RBM42: variants seen among roughly 807,000 people sequenced by gnomAD.
RBM42 encodes RNA binding motif protein 42.
RBM42 carries 21 observed loss-of-function variants against 41.4 expected under a neutral mutation model. The observed-to-expected ratio is 0.51, with a 90% CI of 0.36 to 0.73. The LOEUF (loss-of-function observed/expected upper bound fraction) is 0.73. Ranked by LOEUF, RBM42 falls within the 30% of genes least tolerant of loss-of-function variation. RBM42 has a pLI of 0.00. For missense variants in RBM42, 539 were observed against 680.4 expected, an observed-to-expected ratio of 0.79 and a Z score of 2.31; for synonymous variants, 272 against 271.2, an observed-to-expected ratio of 1.00 and a Z score of -0.03.
At position 35,633,141 on chromosome 19, in the gene RBM42, C is replaced by T. The variant is rs149753042; in HGVS notation, c.573C>T (p.Ala191=). 32 of 1,571,578 alleles carry T rather than the reference C, an allele frequency of 2.0e-5. No homozygotes were observed. Among genetic ancestry groups the T allele is most frequent in the Non-Finnish European group, 2.7e-5 (31 of 1,141,390 alleles). ...RPMALRPPHQ[A]LVGPPLPGPP... ...TGGCCCTACGGCCCCCTCACCAGGC[C>T]CTCGTGGGCCCCCCTCTGCCTGGGC... Residue 191 remains alanine, a synonymous_variant, in exon 6 of 10, where the codon GCC becomes GCT. Transcript: ENST00000262633.
rs1301541654 is a variant in RBM42, at chr19:35,629,502, T to G, written c.129-18T>G. 4.9e-5 allele frequency: 79 copies of G among 1,613,794 alleles called. No individual in the cohort carries two copies. Among genetic ancestry groups the G allele is most frequent in the Non-Finnish European group, 6.6e-5 (78 of 1,179,826 alleles). On this transcript the variant is annotated intron_variant, in intron 1 of 9. Coordinates refer to ENST00000262633, the MANE Select transcript of RBM42 (RefSeq NM_024321.5). ...TGGTACGAGGTCCTGAGCGCTGATG[T>G]CTGTTCTACTCCTCCAGGTTTGAGC...
rs199759784 is a variant in RBM42, at chr19:35,629,552, C to T, written c.161C>T (p.Pro54Leu). 1 of 1,614,210 alleles carries T rather than the reference C, an allele frequency of 6.2e-7. No individual in the cohort carries two copies. Among genetic ancestry groups the T allele is most frequent in the African/African-American group, 1.3e-5 (1 of 75,058 alleles). ...FEQEVLGAPVPGIPTAVPAVP... is the reference protein window; with the variant it reads ...FEQEVLGAPVLGIPTAVPAVP... ...CAGGAAGTTCTGGGGGCTCCAGTAC[C>T]TGGAATCCCAACTGCTGTGCCTGCG... is the stretch of plus-strand genomic sequence containing the variant. The change falls in exon 2 of 10, where the codon CCT (proline) becomes CTT (leucine). Residue 54 changes from proline to leucine, a missense_variant. By Grantham distance (98) the Pro-to-Leu change is moderately conservative. This residue lies in a region of RBM42 where 429 missense variants were observed against 488.9 expected (regional missense o/e 0.88). Coordinates refer to ENST00000262633, the MANE Select transcript of RBM42 (RefSeq NM_024321.5).
chr19:35,630,027 GGCTGGGC>G, intron 2 of RBM42, among the ~76,000 whole-genome samples: 1 of 152,306 alleles, frequency 6.6e-6, no homozygotes, highest in Admixed American at 6.5e-5. Context: ...GATGAAAATA[GGCTGGGC>G]GCTGGGCGTG....
At chr19:35,633,641 C>T (rs1056344510) in intron 6 of RBM42, 46 bp from the exon 7 acceptor site, 2 of 1,386,730 alleles carry the variant, frequency 1.4e-6, no homozygotes, top group African/African-American at 3.0e-5. Flanking sequence ...ACAGTAAAGT[C>T]TGAGCCTGTG....
chr19:35,631,202 T>C lies in RBM42; in HGVS notation c.345T>C (p.Gly115=). 1 of 1,614,082 alleles carries C rather than the reference T, an allele frequency of 6.2e-7. No individual in the cohort carries two copies. The highest frequency in any genetic ancestry group is 8.5e-7 in the Non-Finnish European group (1 of 1,179,986). ...AAATVVPPMV[G]GPPFVGPVGF... ...CCACAGTAGTTCCTCCCATGGTGGG[T>C]GGCCCTCCTTTTGTAGGCCCTGGTA... Residue 115 remains glycine, a synonymous_variant, in exon 3 of 10, where the codon GGT becomes GGC. Coordinates refer to ENST00000262633, the MANE Select transcript of RBM42 (RefSeq NM_024321.5).
chr19:35,635,783 G>T (rs1312300698), intron 8 of RBM42, among the ~76,000 whole-genome samples: 2 of 152,102 alleles, frequency 1.3e-5, no homozygotes, highest in Non-Finnish European at 2.9e-5. Context: ...GCCTTCCAAA[G>T]TGCTGGGATT....
At chr19:35,629,767 T>G in intron 2 of RBM42, 94 bp downstream of exon 2, 1 of 1,352,802 alleles carries the variant, frequency 7.4e-7, no homozygotes, top group Non-Finnish European at 1.0e-6. Flanking sequence ...TTTGGCTTGT[T>G]GACTAATTAG....
At position 35,631,356 on chromosome 19, in the gene RBM42, T is replaced by C. The variant is rs1486127972; in HGVS notation, c.393T>C (p.Ser131=). ...TTGGCTTTGGCCCTGGTGATCGGAG[T>C]CACCTGGACAGCCCAGAGGCTCGAG... ...GPVGFGPGDR[S]HLDSPEAREA... is the part of the protein sequence containing the mutation. Residue 131 remains serine (S), a synonymous_variant, in exon 4 of 10, where the codon AGT becomes AGC. Coordinates refer to ENST00000262633, the MANE Select transcript of RBM42 (RefSeq NM_024321.5). 5 of 1,614,036 alleles carry C rather than the reference T, an allele frequency of 3.1e-6. No homozygotes were observed. Among genetic ancestry groups the C allele is most frequent in the Non-Finnish European group, 4.2e-6 (5 of 1,180,016 alleles).
intron 4 of RBM42, 81 bp downstream of exon 4, chr19:35,631,486 T>A (rs965699656): frequency 7.5e-7 from 1 of 1,332,660 alleles, no homozygotes; most frequent in Admixed American, 1.9e-5. Context: ...AAATCCTTGC[T>A]CTAAATTACC....
intron 1 of RBM42, 47 bp downstream of exon 1, chr19:35,629,328 C>A: frequency 6.7e-7 from 1 of 1,488,852 alleles, no homozygotes; most frequent in South Asian, 1.3e-5. Context: ...AGAGCCAGAG[C>A]CACCGAATCT....
At position 35,634,396 on chromosome 19, in the gene RBM42, C is replaced by G. The variant is rs765087885; in HGVS notation, c.1135+23C>G. On this transcript the variant is annotated intron_variant, in intron 8 of 9. Transcript: ENST00000262633. Reference sequence around the variant, plus strand: ...CAGGTAAGCTGCTGAAGCTCGAGGTCAGGCGTGGCTCGGCCAAGGTCAGAC... The same window carrying G: ...CAGGTAAGCTGCTGAAGCTCGAGGTGAGGCGTGGCTCGGCCAAGGTCAGAC... 14 of 1,583,876 alleles carry G rather than the reference C, an allele frequency of 8.8e-6. No individual in the cohort carries two copies. The African/African-American group carries it at 1.7e-4, about 20-fold the overall frequency.
At chr19:35,635,518 T>G (rs1967481903) in intron 8 of RBM42, among the ~76,000 whole-genome samples, 1 of 115,168 alleles carries the variant, frequency 8.7e-6, no homozygotes, top group Non-Finnish European at 1.6e-5. Flanking sequence ...TATCTTTTTT[T>G]TTTTCTTTTT....
At chr19:35,634,656 A>AT (rs74276917) in intron 8 of RBM42, among the ~76,000 whole-genome samples, 5,919 of 139,862 alleles carry the variant, frequency 0.042, 240 homozygotes, top group African/African-American at 0.1. Context: ...TAGGATAAAA[A>AT]TTTTTTTTTT....
chr19:35,629,138 A>AG lies in RBM42; in HGVS notation c.-15dup. 1.3e-6 allele frequency: 2 copies of AG among 1,521,616 alleles called. No homozygotes were observed. Among genetic ancestry groups the AG allele is most frequent in the Non-Finnish European group, 1.8e-6 (2 of 1,138,224 alleles). 94.3% of individuals were successfully genotyped at this position (1,521,616 alleles called of 1,614,324 possible). ...AAGCAGAGACTGTAGTAGCGGCGAC[A>AG]GCGACGACGGCAGCGATGGCTGGGG... On this transcript the variant is annotated 5_prime_UTR_variant, in exon 1 of 10. Coordinates refer to ENST00000262633, the MANE Select transcript of RBM42 (RefSeq NM_024321.5).
intron 7 of RBM42, 118 bp downstream of exon 7, chr19:35,634,137 T>A: frequency 6.5e-7 from 1 of 1,537,774 alleles, no homozygotes; most frequent in East Asian, 2.3e-5. Flanking sequence ...GGCGGACACA[T>A]GTGCCCCACA....
In RBM42 at chr19:35,629,636, T is replaced by G. The variant is rs1290542827; in HGVS notation, c.245T>G (p.Val82Gly). Residue 82 changes from valine to glycine, a missense_variant, in exon 2 of 10, where the codon GTG becomes GGG. Val to Gly is a moderately radical substitution (Grantham distance 109). Transcript: ENST00000262633. ...VEAMQVPAAP[V>G]IRPIIATNTY... ...GCGATGCAGGTCCCAGCGGCTCCTG[T>G]GATCCGCCCAATTATCGCGACCAAC... The G allele has an allele frequency of 1.2e-6, 2 of 1,614,068 alleles. No homozygotes were observed. The highest frequency in any genetic ancestry group is 1.7e-6 in the Non-Finnish European group (2 of 1,180,044).
At chr19:35,633,327 T>C in intron 6 of RBM42, 75 bp downstream of exon 6, 1 of 1,189,012 alleles carries the variant, frequency 8.4e-7, no homozygotes, top group South Asian at 1.5e-5. Flanking sequence ...CAATGGGCTA[T>C]GTCTGAGTTG....
At position 35,629,660 on chromosome 19, in the gene RBM42, A is replaced by G. The variant is rs745776620; in HGVS notation, c.269A>G (p.Asn90Ser). Residue 90 changes from asparagine (N) to serine (S), a missense_variant, in exon 2 of 10, where the codon AAC becomes AGC. Transcript: ENST00000262633. ...GTGATCCGCCCAATTATCGCGACCA[A>G]CACATACCAGCAGGTACGGCTGAGC... ...APVIRPIIATNTYQQVQQTLE... is the reference protein window; with the variant it reads ...APVIRPIIATSTYQQVQQTLE... 3 of 1,614,174 alleles carry G rather than the reference A, an allele frequency of 1.9e-6. No homozygotes were observed. Among genetic ancestry groups the G allele is most frequent in the Admixed American group, 3.3e-5 (2 of 60,022 alleles).
At position 35,637,551 on chromosome 19, in the gene RBM42, AT is replaced by A. The variant is rs773394287; in HGVS notation, c.1441del (p.Ter481ArgfsTer?). ...QKEKKKLGLR[*>X] ...AGGAAAAGAAGAAGCTGGGCCTGAG[AT>A]AGGGTCTGTGGCCAGGCACCCGCTC... On this transcript the variant is annotated frameshift_variant and stop_lost, in exon 10 of 10. Transcript: ENST00000262633. LOFTEE classifies it high-confidence loss of function. This position sits in a 1 kb window ranked among gnomAD's most constrained non-coding sequence, Gnocchi z 7.0. The A allele has an allele frequency of 6.2e-7, 1 of 1,613,924 alleles. No individual in the cohort carries two copies. Among genetic ancestry groups the A allele is most frequent in the Non-Finnish European group, 8.5e-7 (1 of 1,179,846 alleles).
Sources: gnomAD v4.1 joint callset for allele counts (sites outside exome capture counted in the v4.1 genomes callset) on GRCh38, gnomAD v4.1.1 for gene constraint, gnomAD v4.1.1 regional missense constraint, Gnocchi (gnomAD v3.1) non-coding constraint, MANE v1.5 for transcripts, NCBI Gene and HGNC (gene_info 2026-07-23, HGNC 2026-07-21) for gene names.